NOS1AP: variants seen among roughly 807,000 people sequenced by gnomAD.
NOS1AP encodes nitric oxide synthase 1 adaptor protein, also known as carboxyl-terminal PDZ ligand of neuronal nitric oxide synthase protein.
A neutral mutation model predicts 56.2 loss-of-function variants in NOS1AP; 21 were observed. The observed-to-expected ratio is 0.37, with a 90% CI of 0.26 to 0.54. The LOEUF (loss-of-function observed/expected upper bound fraction) is 0.54. Ranked by LOEUF, NOS1AP falls within the 20% of genes least tolerant of loss-of-function variation. The pLI, the probability that NOS1AP is intolerant of heterozygous loss-of-function variation, is 0.84. For synonymous variants in NOS1AP, 270 were observed against 274.6 expected (o/e 0.98, Z 0.17); for missense variants, 522 against 657.8 (o/e 0.79, Z 2.26).
chr1:162,365,682 C>G, intron 9 of NOS1AP, 113 bp downstream of exon 9: 1 of 1,320,276 alleles, frequency 7.6e-7, no homozygotes, highest in Non-Finnish European at 1.1e-6. Flanking sequence ...CCCCTATATT[C>G]CAGCAGAAAA....
chr1:162,240,244 AGTGT>A lies in NOS1AP; in HGVS notation c.178-47063_178-47060del, dbSNP rs5778260. ...CCCATTCCTGCTGCACTGTGTGGCC[AGTGT>A]GTGTGTGTGTGTGTGTGTGTGTGTG... On this transcript the variant is annotated intron_variant, in intron 2 of 9. Coordinates refer to ENST00000361897, the MANE Select transcript of NOS1AP (RefSeq NM_014697.3). 5.9e-3 allele frequency among the ~76,000 whole-genome samples: 833 copies of A among 141,288 alleles called. 8 individuals are homozygous for A. Among genetic ancestry groups the A allele is most frequent in the African/African-American group, 0.019 (717 of 37,238 alleles). 92.7% of individuals were successfully genotyped at this position (141,288 alleles called of 152,430 possible).
At chr1:162,297,358 G>GCC (rs910353975) in intron 3 of NOS1AP, among the ~76,000 whole-genome samples, 2 of 152,202 alleles carry the variant, frequency 1.3e-5, no homozygotes, top group African/African-American at 4.8e-5. Context: ...GTCTGCTGAT[G>GCC]CCCCACCAAG....
intron 1 of NOS1AP, among the ~76,000 whole-genome samples, chr1:162,099,967 A>C (rs1213514834): frequency 1.3e-5 from 2 of 151,302 alleles, no homozygotes; most frequent in East Asian, 1.9e-4. Flanking sequence ...TGAACTCATC[A>C]TTTTTTATGG....
intron 4 of NOS1AP, among the ~76,000 whole-genome samples, chr1:162,304,233 A>G (rs2101758057): frequency 6.6e-6 from 1 of 151,870 alleles, no homozygotes; most frequent in East Asian, 1.9e-4. Context: ...CTCTCTGCAA[A>G]TGGATGTCCA....
intron 6 of NOS1AP, among the ~76,000 whole-genome samples, chr1:162,344,775 A>G (rs1657223887): frequency 6.6e-6 from 1 of 152,268 alleles, no homozygotes; most frequent in East Asian, 1.9e-4. Flanking sequence ...GAAAAAGAGC[A>G]GATAAAAAAA....
intron 2 of NOS1AP, among the ~76,000 whole-genome samples, chr1:162,217,267 C>CTCTTTTTTTTTTTTTTT (rs1553196279): frequency 1.5e-5 from 1 of 68,400 alleles, no homozygotes; most frequent in African/African-American, 5.9e-5. Flanking sequence ...CTGTTGTTAG[C>CTCTTTTTTTTTTTTTTT]TTTTTTTTTT....
intron 4 of NOS1AP, among the ~76,000 whole-genome samples, chr1:162,304,442 T>A (rs1571205053): frequency 6.6e-6 from 1 of 152,354 alleles, no homozygotes; most frequent in Admixed American, 6.5e-5. Context: ...GTAGTAATAG[T>A]CTTCTTTCTT....
intron 4 of NOS1AP, among the ~76,000 whole-genome samples, chr1:162,316,612 G>A (rs1014833725): frequency 1.3e-5 from 2 of 152,246 alleles, no homozygotes; most frequent in Admixed American, 6.5e-5. Flanking sequence ...GGTGCAGGCA[G>A]ACTGAGTCCC....
At chr1:162,136,752 T>C (rs1649020629) in intron 1 of NOS1AP, among the ~76,000 whole-genome samples, 1 of 152,254 alleles carries the variant, frequency 6.6e-6, no homozygotes, top group East Asian at 1.9e-4. Context: ...ATGTTTGTGT[T>C]TTTGTGTGTT....
At chr1:162,199,594 G>A (rs958886285) in intron 2 of NOS1AP, among the ~76,000 whole-genome samples, 2 of 137,684 alleles carry the variant, frequency 1.5e-5, no homozygotes, top group Non-Finnish European at 3.1e-5. Flanking sequence ...AGCATGGATT[G>A]CGTGTGTGTG....
At chr1:162,330,331 G>T (rs1281065229) in intron 4 of NOS1AP, among the ~76,000 whole-genome samples, 1 of 152,150 alleles carries the variant, frequency 6.6e-6, no homozygotes, top group Non-Finnish European at 1.5e-5. Flanking sequence ...TGGCACTGGG[G>T]ATACCAAGAT....
intron 1 of NOS1AP, among the ~76,000 whole-genome samples, chr1:162,080,895 C>T (rs1367163631): frequency 2.0e-5 from 3 of 152,142 alleles, no homozygotes; most frequent in African/African-American, 7.2e-5. Flanking sequence ...AACAACCATG[C>T]TAGTTAAGGT....
intron 2 of NOS1AP, among the ~76,000 whole-genome samples, chr1:162,189,697 TAAAATAAAGAG>T (rs956990744): frequency 4.6e-5 from 7 of 152,152 alleles, no homozygotes; most frequent in African/African-American, 7.2e-5. Context: ...GTTCTGTGAA[TAAAATAAAGAG>T]AAAATAAAGA....
chr1:162,150,134 C>T (rs550636056), intron 1 of NOS1AP, among the ~76,000 whole-genome samples: 4 of 152,158 alleles, frequency 2.6e-5, no homozygotes, highest in Admixed American at 1.3e-4. Context: ...CCTGCTGCAA[C>T]TACCCTTCCC....
intron 1 of NOS1AP, among the ~76,000 whole-genome samples, chr1:162,089,715 A>G (rs1318321081): frequency 6.6e-6 from 1 of 152,188 alleles, no homozygotes; most frequent in Non-Finnish European, 1.5e-5. Flanking sequence ...AAGACAGTGT[A>G]ACCACAGAGG....
chr1:162,319,481 C>T (rs72700134), intron 4 of NOS1AP, among the ~76,000 whole-genome samples: 6,797 of 152,218 alleles, frequency 0.045, 223 homozygotes, highest in Middle Eastern at 0.13. Context: ...TGGCCCTGAC[C>T]TCCTTCTGTC....
chr1:162,112,440 C>T (rs947854745), intron 1 of NOS1AP, among the ~76,000 whole-genome samples: 4 of 152,154 alleles, frequency 2.6e-5, no homozygotes, highest in Admixed American at 1.3e-4. Context: ...GTAGCCTTGG[C>T]CCCCTCTTCA....
intron 1 of NOS1AP, among the ~76,000 whole-genome samples, chr1:162,148,444 T>C (rs1475454284): frequency 2.0e-5 from 3 of 152,094 alleles, no homozygotes; most frequent in African/African-American, 7.2e-5. Flanking sequence ...AAAGGGGAAG[T>C]AGAGATTAAG....
chr1:162,198,888 A>G (rs1206179675), intron 2 of NOS1AP, among the ~76,000 whole-genome samples: 1 of 152,076 alleles, frequency 6.6e-6, no homozygotes, highest in Non-Finnish European at 1.5e-5. Context: ...GAGAGGACAT[A>G]TTTCACCCAA....
Sources: allele counts gnomAD v4.1 joint callset (sites outside exome capture counted in the v4.1 genomes callset), GRCh38; gene constraint gnomAD v4.1.1; transcripts MANE v1.5; gene names NCBI Gene and HGNC (gene_info 2026-07-23, HGNC 2026-07-21).